Variants in HDAC9 observed in about 807,000 individuals in gnomAD.
HDAC9 encodes histone deacetylase 9.
Under a neutral mutation model 139.4 loss-of-function variants are expected in HDAC9, and 41 were observed. That is an observed-to-expected ratio of 0.29 (90% confidence interval 0.23 to 0.38). HDAC9 has a LOEUF of 0.38. Among genes scored for constraint, HDAC9 ranks in the 10% least tolerant of loss-of-function variants. The pLI, the probability that HDAC9 is intolerant of heterozygous loss-of-function variation, is 1.00. For synonymous variants in HDAC9, 517 were observed against 476.2 expected (o/e 1.09, Z -1.12); for missense variants, 1,147 against 1,297.0 (o/e 0.88, Z 1.78).
At chr7:18,544,954 G>A (rs1475313966) in intron 2 of HDAC9, among the ~76,000 whole-genome samples, 1 of 152,160 alleles carries the variant, frequency 6.6e-6, no homozygotes, top group Non-Finnish European at 1.5e-5. Flanking sequence ...GACATTTTTG[G>A]TTGTCAAAAC....
In HDAC9 at chr7:18,334,882, C is replaced by T. The variant is rs767416792; in HGVS notation, c.-42+44367C>T. 4.0e-5 allele frequency among the ~76,000 whole-genome samples: 6 copies of T among 151,362 alleles called. No homozygotes were observed. The South Asian group carries it at 1.2e-3, about 31-fold the overall frequency. On this transcript the variant is annotated intron_variant, in intron 1 of 3. Transcript: ENST00000413509. ...TTACAGGCGGGGATGAGGTTAAGGG[C>T]TGAGTACATAATGGTAGGTTAAAAA... is the stretch of plus-strand genomic sequence containing the variant.
At chr7:18,790,263 T>C (rs1186025578) in intron 16 of HDAC9, among the ~76,000 whole-genome samples, 5 of 152,110 alleles carry the variant, frequency 3.3e-5, no homozygotes, top group African/African-American at 9.7e-5. Flanking sequence ...TCAAAATTTA[T>C]GTACTGAAGC....
chr7:18,797,417 T>C, intron 17 of HDAC9, among the ~76,000 whole-genome samples: 1 of 152,176 alleles, frequency 6.6e-6, no homozygotes, highest in East Asian at 1.9e-4. Context: ...ATAAAATAAA[T>C]ACCCACGAAC....
chr7:18,811,343 T>C (rs1794160853), intron 17 of HDAC9, among the ~76,000 whole-genome samples: 1 of 151,856 alleles, frequency 6.6e-6, no homozygotes, highest in Non-Finnish European at 1.5e-5. Context: ...GTCATAGATT[T>C]CAGATTTTTC....
intron 17 of HDAC9, among the ~76,000 whole-genome samples, chr7:18,828,765 C>T (rs1322854498): frequency 6.6e-6 from 1 of 152,188 alleles, no homozygotes; most frequent in East Asian, 1.9e-4. Context: ...CTTCTCTGGT[C>T]TTTCCAAACT....
At chr7:18,989,615 G>A (rs1325674057) in intron 25 of HDAC9, among the ~76,000 whole-genome samples, 2 of 151,022 alleles carry the variant, frequency 1.3e-5, no homozygotes, top group Admixed American at 6.6e-5. Flanking sequence ...TGCTAGATTG[G>A]GGAAGTTCTC....
intron 1 of HDAC9, among the ~76,000 whole-genome samples, chr7:18,450,872 G>A (rs1792752706): frequency 6.6e-6 from 1 of 152,120 alleles, no homozygotes; most frequent in Non-Finnish European, 1.5e-5. Context: ...TGACTGCTAT[G>A]CAACAAGACA....
intron 1 of HDAC9, among the ~76,000 whole-genome samples, chr7:18,474,735 C>T (rs993559931): frequency 2.0e-5 from 3 of 151,696 alleles, no homozygotes; most frequent in Admixed American, 6.6e-5. Flanking sequence ...AAGTCAGAGA[C>T]ACAAAAACAG....
At chr7:18,189,169 AG>A (rs1431981884) in intron 2 of HDAC9, among the ~76,000 whole-genome samples, 1 of 152,232 alleles carries the variant, frequency 6.6e-6, no homozygotes, top group African/African-American at 2.4e-5. Flanking sequence ...ATCCATAAAA[AG>A]GAATGAGATC....
At chr7:18,194,801 T>C (rs575419700) in intron 2 of HDAC9, among the ~76,000 whole-genome samples, 1 of 152,320 alleles carries the variant, frequency 6.6e-6, no homozygotes, top group South Asian at 2.1e-4. Context: ...TTTAATCTAC[T>C]GGTGTTTGAT....
chr7:18,529,725 A>G (rs920048161), intron 2 of HDAC9, among the ~76,000 whole-genome samples: 7 of 152,200 alleles, frequency 4.6e-5, no homozygotes, highest in Non-Finnish European at 7.3e-5. Context: ...GCATTCATAC[A>G]TTGTTGAGGA....
At chr7:18,460,788 C>CAAAA (rs750144894) in intron 1 of HDAC9, among the ~76,000 whole-genome samples, 3 of 45,304 alleles carry the variant, frequency 6.6e-5, no homozygotes, top group Non-Finnish European at 9.7e-5. Context: ...AACTCTGTCT[C>CAAAA]AAAAAAAAAA....
Position 18,771,672 on chromosome 7 carries a change from G to T in HDAC9, c.2214+4517G>T, listed in dbSNP as rs1235967617. Among the ~76,000 whole-genome samples, 5 of 151,816 alleles carry T rather than the reference G, an allele frequency of 3.3e-5. No individual in the cohort carries two copies. In the East Asian group the frequency reaches 5.8e-4, roughly 18 times the overall value. ...ATTTTTCTAATTATTACACCACATT[G>T]GTCCTTCACATTTATTCTCCCCAGT... On this transcript the variant is annotated intron_variant, in intron 16 of 25. Transcript: ENST00000686413.
At chr7:18,870,052 G>C (rs141669615) in intron 21 of HDAC9, among the ~76,000 whole-genome samples, 254 of 152,062 alleles carry the variant, frequency 1.7e-3, no homozygotes, top group African/African-American at 5.8e-3. Context: ...TGAAATTACA[G>C]AAAAAGCTGT....
intron 2 of HDAC9, among the ~76,000 whole-genome samples, chr7:18,168,910 T>A (rs1170240180): frequency 7.7e-6 from 1 of 130,646 alleles, no homozygotes; most frequent in Non-Finnish European, 1.6e-5. Context: ...TGTGTGTGTG[T>A]GTGTGTGTGT....
At chr7:18,330,413 C>T (rs979591893) in intron 1 of HDAC9, among the ~76,000 whole-genome samples, 2 of 151,318 alleles carry the variant, frequency 1.3e-5, no homozygotes, top group South Asian at 2.1e-4. Flanking sequence ...TACAAGATAC[C>T]TTGTCTGTAA....
intron 17 of HDAC9, among the ~76,000 whole-genome samples, chr7:18,801,028 T>C (rs1793245271): frequency 6.6e-6 from 1 of 152,208 alleles, no homozygotes; most frequent in African/African-American, 2.4e-5. Context: ...TTATAAGTCA[T>C]TTGGGGTTTC....
chr7:18,188,353 A>G (rs1790073430), intron 2 of HDAC9, among the ~76,000 whole-genome samples: 1 of 152,212 alleles, frequency 6.6e-6, no homozygotes, highest in Non-Finnish European at 1.5e-5. Flanking sequence ...TTAATTCAAG[A>G]TGGATTAAAG....
At chr7:18,793,514 T>C in intron 17 of HDAC9, 62 bp downstream of exon 17, 2 of 1,090,396 alleles carry the variant, frequency 1.8e-6, no homozygotes, top group East Asian at 5.1e-5. Context: ...AGAGATGTTG[T>C]TATGTGGGAA....
Sources: allele counts gnomAD v4.1 joint callset (sites outside exome capture counted in the v4.1 genomes callset), GRCh38; gene constraint gnomAD v4.1.1; transcripts MANE v1.5; gene names NCBI Gene and HGNC (gene_info 2026-07-23, HGNC 2026-07-21).